TGFBRAP1: variants seen among roughly 807,000 people sequenced by gnomAD.
TGFBRAP1 encodes the protein transforming growth factor-beta receptor-associated protein 1.
TGFBRAP1 carries 20 observed loss-of-function variants against 83.2 expected under a neutral mutation model. The ratio of observed to expected loss-of-function variants is 0.24; its 90% confidence interval spans 0.17 to 0.35. TGFBRAP1 has a LOEUF of 0.35. Ranked by LOEUF, TGFBRAP1 falls within the 10% of genes least tolerant of loss-of-function variation. The pLI, the probability that TGFBRAP1 is intolerant of heterozygous loss-of-function variation, is 1.00. For missense variants in TGFBRAP1, 950 were observed against 1,099.4 expected, an observed-to-expected ratio of 0.86 and a Z score of 1.92; for synonymous variants, 415 against 459.8, an observed-to-expected ratio of 0.90 and a Z score of 1.25.
chr2:105,312,526 C>A (rs977319580), intron 1 of TGFBRAP1, among the ~76,000 whole-genome samples: 1 of 152,140 alleles, frequency 6.6e-6, no homozygotes, highest in Non-Finnish European at 1.5e-5. Context: ...AATTACAAGA[C>A]ACAATCCCAC....
chr2:105,323,042 G>A (rs144902638), intron 1 of TGFBRAP1, among the ~76,000 whole-genome samples: 1 of 152,282 alleles, frequency 6.6e-6, no homozygotes, highest in Non-Finnish European at 1.5e-5. Context: ...AGCAAACCAT[G>A]GTGGTGAGGA....
chr2:105,267,620 C>T (rs1212194348), intron 11 of TGFBRAP1, 61 bp from the exon 12 acceptor site: 8 of 1,597,228 alleles, frequency 5.0e-6, no homozygotes, highest in Admixed American at 3.4e-5. Flanking sequence ...AAAGTGGCTA[C>T]GTTCTAGTTT....
chr2:105,296,251 G>A, intron 4 of TGFBRAP1, 105 bp downstream of exon 4: 2 of 1,352,136 alleles, frequency 1.5e-6, no homozygotes, highest in Non-Finnish European at 2.0e-6. Flanking sequence ...TAAAAGCAGT[G>A]TGTACAGCCC....
chr2:105,316,813 C>CAAAA (rs5833133), intron 1 of TGFBRAP1, among the ~76,000 whole-genome samples: 1 of 87,908 alleles, frequency 1.1e-5, no homozygotes. Context: ...GACTCTGTCT[C>CAAAA]AAAAAAAAAA....
At chr2:105,285,442 C>T (rs1384587872) in intron 4 of TGFBRAP1, among the ~76,000 whole-genome samples, 2 of 152,204 alleles carry the variant, frequency 1.3e-5, no homozygotes, top group Non-Finnish European at 2.9e-5. Context: ...AGAGATGCTA[C>T]GTTTTTAGAC....
intron 4 of TGFBRAP1, among the ~76,000 whole-genome samples, chr2:105,294,157 G>A (rs928338726): frequency 2.0e-5 from 3 of 152,142 alleles, no homozygotes; most frequent in Non-Finnish European, 2.9e-5. Context: ...AGTCATTACC[G>A]AATTCTTTTG....
Position 105,273,592 on chromosome 2 carries a change from T to A in TGFBRAP1, c.1764A>T (p.Lys588Asn). ...DIINCLKKYP[K>N]ALVKYLEHLV... ...GATGTTCCAGATACTTCACAAGGGC[T>A]TTAGGGTATTTTTTAAGGCAATTGA... The change falls in exon 9 of 12, where the codon AAA (lysine) becomes AAT (asparagine). Residue 588 changes from lysine to asparagine, a missense_variant. Lys to Asn is a moderately conservative substitution (Grantham distance 94). Transcript: ENST00000393359. 1 of 1,614,194 alleles carries A rather than the reference T, an allele frequency of 6.2e-7. No individual in the cohort carries two copies. The highest frequency in any genetic ancestry group is 8.5e-7 in the Non-Finnish European group (1 of 1,180,020).
intron 8 of TGFBRAP1, among the ~76,000 whole-genome samples, chr2:105,275,239 G>A (rs1160405154): frequency 1.3e-5 from 2 of 152,196 alleles, no homozygotes; most frequent in African/African-American, 2.4e-5. Context: ...CTGAGGGGTC[G>A]AGGAGCGGGG....
chr2:105,297,421 G>A (rs1225141161), intron 3 of TGFBRAP1, among the ~76,000 whole-genome samples: 6 of 152,068 alleles, frequency 3.9e-5, no homozygotes, highest in African/African-American at 4.8e-5. Context: ...AACAGGCACC[G>A]CACCACAACA....
the TGFBRAP1 span, among the ~76,000 whole-genome samples, chr2:105,255,368 A>G: frequency 6.6e-6 from 1 of 151,962 alleles, no homozygotes; most frequent in African/African-American, 2.4e-5. Context: ...CCACAGTGCA[A>G]TGGAGTGCAG....
chr2:105,311,158 AAAAC>A (rs1678678158), intron 1 of TGFBRAP1, among the ~76,000 whole-genome samples: 3 of 144,726 alleles, frequency 2.1e-5, no homozygotes, highest in African/African-American at 7.3e-5. Flanking sequence ...AAAAAAAAAA[AAAAC>A]AAAAAACAAA....
intron 1 of TGFBRAP1, among the ~76,000 whole-genome samples, chr2:105,319,007 A>T (rs1377270265): frequency 6.6e-6 from 1 of 152,118 alleles, no homozygotes; most frequent in Admixed American, 6.5e-5. Context: ...CACCAAGGAC[A>T]GGCCTCATTA....
chr2:105,312,665 T>C (rs545722406), intron 1 of TGFBRAP1, among the ~76,000 whole-genome samples: 2 of 152,350 alleles, frequency 1.3e-5, no homozygotes, highest in South Asian at 2.1e-4. Flanking sequence ...GTTAAGAATA[T>C]GCACATTGTC....
chr2:105,294,051 G>A (rs932844516), intron 4 of TGFBRAP1, among the ~76,000 whole-genome samples: 2 of 152,152 alleles, frequency 1.3e-5, no homozygotes, highest in Admixed American at 6.5e-5. Context: ...AGGGTAAAGG[G>A]CCCTGTGGGA....
At chr2:105,275,752 C>A in intron 7 of TGFBRAP1, 49 bp from the exon 8 acceptor site, 1 of 1,555,012 alleles carries the variant, frequency 6.4e-7, no homozygotes, top group Non-Finnish European at 8.7e-7. Flanking sequence ...AAAAAACAAT[C>A]ATAAAGGCAC....
At chr2:105,324,212 C>T (rs1245728344) in intron 1 of TGFBRAP1, 1 of 152,144 alleles carries the variant, frequency 6.6e-6, no homozygotes, top group East Asian at 1.9e-4. Context: ...ATACTACAGC[C>T]ATACAAGACG....
At position 105,273,604 on chromosome 2, in the gene TGFBRAP1, T is replaced by C; in HGVS notation, c.1752A>G (p.Lys584=). The part of the protein sequence containing the change: ...FNPDDIINCL[K]KYPKALVKYL... Reference sequence around the variant, plus strand: ...ACTTCACAAGGGCTTTAGGGTATTTTTTAAGGCAATTGATAATGTCGTCTG... The same window carrying C: ...ACTTCACAAGGGCTTTAGGGTATTTCTTAAGGCAATTGATAATGTCGTCTG... The change falls in exon 9 of 12, where the codon AAA becomes AAG. Residue 584 remains lysine (K), a synonymous_variant. Coordinates refer to ENST00000393359, the MANE Select transcript of TGFBRAP1 (RefSeq NM_004257.6). 1 of 1,614,232 alleles carries C rather than the reference T, an allele frequency of 6.2e-7. No individual in the cohort carries two copies. Among genetic ancestry groups the C allele is most frequent in the Non-Finnish European group, 8.5e-7 (1 of 1,180,038 alleles).
In TGFBRAP1 at chr2:105,275,558, A is replaced by G; in HGVS notation, c.1665+2T>C. 1 of 1,613,420 alleles carries G rather than the reference A, an allele frequency of 6.2e-7. No individual in the cohort carries two copies. The highest frequency in any genetic ancestry group is 8.5e-7 in the Non-Finnish European group (1 of 1,179,806). On this transcript the variant is annotated splice_donor_variant, in intron 8 of 11. Coordinates refer to ENST00000393359, the MANE Select transcript of TGFBRAP1 (RefSeq NM_004257.6). LOFTEE classifies it high-confidence loss of function. ...GAGAATGCATTTTTACGAAGCACAA[A>G]CCTCTTCACTTTTCTGCAGGACCCA...
chr2:105,320,397 G>GT (rs988447742), intron 1 of TGFBRAP1, among the ~76,000 whole-genome samples: 286 of 147,078 alleles, frequency 1.9e-3, no homozygotes, highest in Middle Eastern at 3.6e-3. Flanking sequence ...ACAGCAAGAA[G>GT]TTTTTTTTTT....
Sources: allele counts gnomAD v4.1 joint callset (sites outside exome capture counted in the v4.1 genomes callset), GRCh38; gene constraint gnomAD v4.1.1; transcripts MANE v1.5; gene names NCBI Gene and HGNC (gene_info 2026-07-23, HGNC 2026-07-21).